The following ARK2N variants were observed in gnomAD, a reference collection of about 807,000 sequenced individuals.
ARK2N encodes the protein arkadia (RNF111) N-terminal like PKA signaling regulator 2N.
the ARK2N span, among the ~76,000 whole-genome samples, chr18:46,182,379 A>G: frequency 6.6e-6 from 1 of 152,154 alleles, no homozygotes; most frequent in Admixed American, 6.6e-5. Context: ...GTGGTTATCC[A>G]TCTTTATGTG....
the ARK2N span, among the ~76,000 whole-genome samples, chr18:46,186,172 T>C: frequency 6.6e-6 from 1 of 151,594 alleles, no homozygotes; most frequent in Non-Finnish European, 1.5e-5. Context: ...GAGAGTGGTT[T>C]TTAAAGATGG....
chr18:46,183,705 T>G, the ARK2N span, among the ~76,000 whole-genome samples: 106 of 152,292 alleles, frequency 7.0e-4, no homozygotes, highest in South Asian at 1.0e-3. Context: ...GTGTTTTTTA[T>G]TTTAGTCCTA....
chr18:46,174,597 G>A, the ARK2N span, among the ~76,000 whole-genome samples: 116 of 152,314 alleles, frequency 7.6e-4, no homozygotes, highest in Admixed American at 6.5e-4. Flanking sequence ...TCCCGGCCCG[G>A]CGGAGTTGGC....
the ARK2N span, among the ~76,000 whole-genome samples, chr18:46,253,305 G>A: frequency 6.6e-6 from 1 of 152,060 alleles, no homozygotes; most frequent in African/African-American, 2.4e-5. Flanking sequence ...AGGTGGTTAC[G>A]CAGGTCGTTT....
chr18:46,181,475 G>T, the ARK2N span, among the ~76,000 whole-genome samples: 1 of 123,260 alleles, frequency 8.1e-6, no homozygotes, highest in Admixed American at 7.6e-5. Flanking sequence ...CAGCACTTTG[G>T]GAGGCTGAGG....
chr18:46,230,330 A>G, the ARK2N span, among the ~76,000 whole-genome samples: 36 of 152,226 alleles, frequency 2.4e-4, no homozygotes, highest in Non-Finnish European at 3.8e-4. Context: ...TATAGTACTA[A>G]TAATAGTAAT....
the ARK2N span, among the ~76,000 whole-genome samples, chr18:46,194,976 A>G: frequency 6.6e-6 from 1 of 150,540 alleles, no homozygotes; most frequent in African/African-American, 2.5e-5. Flanking sequence ...AATTTTTTGT[A>G]GTTTTAGTAG....
the ARK2N span, among the ~76,000 whole-genome samples, chr18:46,210,230 C>T: frequency 3.9e-5 from 6 of 152,006 alleles, no homozygotes; most frequent in Admixed American, 2.6e-4. Context: ...GTGGTGACAG[C>T]GGATATGGAG....
chr18:46,228,933 A>G, the ARK2N span: 1 of 396,804 alleles, frequency 2.5e-6, no homozygotes, highest in Admixed American at 4.4e-5. Flanking sequence ...AAAGGTGTTG[A>G]ACACTAATAA....
the ARK2N span, among the ~76,000 whole-genome samples, chr18:46,186,114 G>A: frequency 0.017 from 2,650 of 152,198 alleles, 71 homozygotes; most frequent in African/African-American, 0.06. Flanking sequence ...CAAAGAGCTA[G>A]GAGTGTTTTT....
the ARK2N span, among the ~76,000 whole-genome samples, chr18:46,256,306 G>A: frequency 2.0e-5 from 3 of 151,980 alleles, no homozygotes; most frequent in South Asian, 2.1e-4. Flanking sequence ...TTTCTAACTC[G>A]TCTCCCTTTT....
the ARK2N span, among the ~76,000 whole-genome samples, chr18:46,191,888 A>G: frequency 6.6e-6 from 1 of 152,144 alleles, no homozygotes; most frequent in Non-Finnish European, 1.5e-5. Flanking sequence ...CCTTTTCCAG[A>G]ATGTCATACA....
the ARK2N span, among the ~76,000 whole-genome samples, chr18:46,222,349 AT>A: frequency 6.6e-6 from 1 of 152,240 alleles, no homozygotes; most frequent in Non-Finnish European, 1.5e-5. Context: ...TACATTAGTT[AT>A]AAATCACAGC....
the ARK2N span, among the ~76,000 whole-genome samples, chr18:46,224,715 ATAAAT>A: frequency 6.6e-6 from 1 of 152,348 alleles, no homozygotes; most frequent in African/African-American, 2.4e-5. Flanking sequence ...TGCTAGGTAG[ATAAAT>A]TAAAGCTATG....
the ARK2N span, among the ~76,000 whole-genome samples, chr18:46,208,464 CTTTTTTTTT>C: frequency 1.9e-4 from 13 of 68,386 alleles, no homozygotes; most frequent in African/African-American, 5.9e-4. Context: ...GTTCTTAAAT[CTTTTTTTTT>C]TTTTTTTTTT....
chr18:46,215,129 G>A, the ARK2N span, among the ~76,000 whole-genome samples: 4 of 152,096 alleles, frequency 2.6e-5, no homozygotes, highest in African/African-American at 9.7e-5. Flanking sequence ...GACCAGCCTG[G>A]GCAACATGGT....
the ARK2N span, among the ~76,000 whole-genome samples, chr18:46,203,442 A>T: frequency 6.6e-6 from 1 of 152,320 alleles, no homozygotes; most frequent in African/African-American, 2.4e-5. Flanking sequence ...GTTACTTTTT[A>T]GGGTGGGTAG....
At chr18:46,199,743 G>A in the ARK2N span, among the ~76,000 whole-genome samples, 1 of 152,032 alleles carries the variant, frequency 6.6e-6, no homozygotes, top group East Asian at 1.9e-4. Flanking sequence ...CAGCTTATGG[G>A]ACTGCAACTG....
the ARK2N span, among the ~76,000 whole-genome samples, chr18:46,220,887 G>A: frequency 2.6e-5 from 4 of 152,304 alleles, no homozygotes; most frequent in South Asian, 8.3e-4. Context: ...TGTAATCCCA[G>A]CACTCTGGGA....
Sources: allele counts gnomAD v4.1 joint callset (sites outside exome capture counted in the v4.1 genomes callset), GRCh38; gene constraint gnomAD v4.1.1; transcripts MANE v1.5; gene names NCBI Gene and HGNC (gene_info 2026-07-23, HGNC 2026-07-21).